ARHGEF7: variants seen among roughly 807,000 people sequenced by gnomAD.
ARHGEF7 encodes the protein PAK-interacting exchange factor beta.
In ARHGEF7, 33 loss-of-function variants were observed where a neutral mutation model predicts 109.8. The observed-to-expected ratio is 0.30, with a 90% CI of 0.23 to 0.40. The LOEUF (loss-of-function observed/expected upper bound fraction) is 0.40. Among genes scored for constraint, ARHGEF7 ranks in the 10% least tolerant of loss-of-function variants. The pLI is 1.00. For missense variants in ARHGEF7, 938 were observed against 1,098.5 expected (o/e 0.85, Z 2.07); for synonymous variants, 458 against 424.6 (o/e 1.08, Z -0.97).
chr13:111,147,784 G>A (rs538540163), intron 1 of ARHGEF7, among the ~76,000 whole-genome samples: 3 of 135,012 alleles, frequency 2.2e-5, no homozygotes, highest in South Asian at 2.5e-4. Flanking sequence ...TGCAAGCTCC[G>A]CCTCCCGGGT....
chr13:111,180,662 G>A (rs143856689), intron 2 of ARHGEF7, among the ~76,000 whole-genome samples: 2,359 of 152,306 alleles, frequency 0.015, 37 homozygotes, highest in Middle Eastern at 0.058. Context: ...CTAGGTGGCA[G>A]AGTTGGTATT....
intron 1 of ARHGEF7, among the ~76,000 whole-genome samples, chr13:111,120,475 AC>A: frequency 1.7e-5 from 2 of 116,726 alleles, no homozygotes; most frequent in Non-Finnish European, 3.9e-5. Context: ...ATGTAAATAC[AC>A]ACACACACAG....
chr13:111,237,649 G>A (rs73622157), intron 6 of ARHGEF7, among the ~76,000 whole-genome samples: 3,104 of 152,244 alleles, frequency 0.02, 98 homozygotes, highest in African/African-American at 0.071. Flanking sequence ...AAAATAAACA[G>A]TATGAGATGA....
chr13:111,257,291 G>A (rs1455282112), intron 8 of ARHGEF7, among the ~76,000 whole-genome samples: 3 of 152,198 alleles, frequency 2.0e-5, no homozygotes, highest in African/African-American at 7.2e-5. Context: ...TTGATTGAAT[G>A]TATGTCTTGA....
chr13:111,261,331 C>G (rs1366986055), intron 8 of ARHGEF7, among the ~76,000 whole-genome samples: 1 of 152,052 alleles, frequency 6.6e-6, no homozygotes, highest in African/African-American at 2.4e-5. Context: ...AGACTTATAT[C>G]AAACAAAATA....
intron 2 of ARHGEF7, chr13:111,186,890 C>T (rs557632433): frequency 1.0e-5 from 10 of 985,414 alleles, no homozygotes; most frequent in South Asian, 4.7e-5. Context: ...AAGACGACTA[C>T]TTCTTTCCCC....
chr13:111,283,646 C>A (rs1252461781), intron 16 of ARHGEF7, among the ~76,000 whole-genome samples: 1 of 152,148 alleles, frequency 6.6e-6, no homozygotes, highest in Non-Finnish European at 1.5e-5. Flanking sequence ...GGGCCAGGAG[C>A]TGGAAAGGCG....
chr13:111,244,913 A>G (rs1170101033), intron 8 of ARHGEF7, among the ~76,000 whole-genome samples: 5 of 152,212 alleles, frequency 3.3e-5, no homozygotes, highest in African/African-American at 9.6e-5. Flanking sequence ...CTTGGAAAGC[A>G]CTTTCTGCAT....
intron 8 of ARHGEF7, among the ~76,000 whole-genome samples, chr13:111,249,151 C>T (rs1027670595): frequency 1.3e-5 from 2 of 152,178 alleles, no homozygotes; most frequent in Non-Finnish European, 2.9e-5. Flanking sequence ...TTCCCAGCAA[C>T]TCTGGTAGAA....
At chr13:111,296,407 C>A (rs1728864136) in intron 19 of ARHGEF7, among the ~76,000 whole-genome samples, 1 of 152,162 alleles carries the variant, frequency 6.6e-6, no homozygotes, top group African/African-American at 2.4e-5. Flanking sequence ...CACACAGCAG[C>A]CCCTGAGAGT....
chr13:111,275,649 C>G lies in ARHGEF7; in HGVS notation c.1390C>G (p.Gln464Glu), dbSNP rs763002388. The change falls in exon 12 of 22, where the codon CAG becomes GAG. Residue 464 changes from glutamine to glutamate, a missense_variant. This residue lies in a region of ARHGEF7 where 585 missense variants were observed against 723.6 expected (regional missense o/e 0.81). Transcript: ENST00000646102. ...TCTGGGCAACGTCACTTACATGTCC[C>G]AGGTCCTGATTCAGTGTGCCGGAAG... ...KTLGNVTYMSQVLIQCAGSEE... is the reference protein window; with the variant it reads ...KTLGNVTYMSEVLIQCAGSEE... The G allele has an allele frequency of 1.2e-6, 2 of 1,614,182 alleles. No individual in the cohort carries two copies. The highest frequency in any genetic ancestry group is 1.6e-4 in the Middle Eastern group (1 of 6,062).
intron 9 of ARHGEF7, among the ~76,000 whole-genome samples, chr13:111,271,416 G>A (rs1010609820): frequency 1.3e-5 from 2 of 152,166 alleles, no homozygotes; most frequent in African/African-American, 2.4e-5. Context: ...GAACACATGC[G>A]GTGTGCTCAT....
At chr13:111,166,518 T>C (rs1279630617) in intron 2 of ARHGEF7, among the ~76,000 whole-genome samples, 2 of 152,106 alleles carry the variant, frequency 1.3e-5, no homozygotes, top group Non-Finnish European at 2.9e-5. Context: ...ACCTCCCAGG[T>C]GATGGTGGCT....
At chr13:111,172,164 G>A (rs1258905829) in intron 2 of ARHGEF7, among the ~76,000 whole-genome samples, 1 of 152,220 alleles carries the variant, frequency 6.6e-6, no homozygotes, top group Non-Finnish European at 1.5e-5. Flanking sequence ...GCTCTTACAA[G>A]CCAGTAAGGG....
intron 15 of ARHGEF7, chr13:111,280,889 G>T (rs1296008795): frequency 9.4e-6 from 5 of 531,822 alleles, no homozygotes; most frequent in Non-Finnish European, 1.6e-5. Context: ...ACCCTGAATT[G>T]TGCCTCCTCA....
At chr13:111,178,469 C>G (rs917689993) in intron 2 of ARHGEF7, among the ~76,000 whole-genome samples, 6 of 152,198 alleles carry the variant, frequency 3.9e-5, no homozygotes, top group African/African-American at 7.2e-5. Flanking sequence ...AGAGGTGATA[C>G]AGTATTCAGA....
intron 2 of ARHGEF7, among the ~76,000 whole-genome samples, chr13:111,196,165 T>C (rs1450333063): frequency 6.6e-6 from 1 of 152,198 alleles, no homozygotes; most frequent in Non-Finnish European, 1.5e-5. Flanking sequence ...ATGCTAGACA[T>C]CATTGAATAA....
chr13:111,221,533 C>CATATCTATATATCTA (rs1566876374), intron 5 of ARHGEF7, among the ~76,000 whole-genome samples: 2 of 33,818 alleles, frequency 5.9e-5, no homozygotes, highest in East Asian at 2.2e-3. Flanking sequence ...CTATATATAT[C>CATATCTATATATCTA]TATATATAGA....
At chr13:111,147,690 CTTTTTTTT>C (rs11463808) in intron 1 of ARHGEF7, among the ~76,000 whole-genome samples, 13 of 82,394 alleles carry the variant, frequency 1.6e-4, no homozygotes, top group African/African-American at 6.6e-4. Context: ...CAGAGGTCAC[CTTTTTTTT>C]TTTTTTTTTT....
Sources: gnomAD v4.1 joint callset for allele counts (sites outside exome capture counted in the v4.1 genomes callset) on GRCh38, gnomAD v4.1.1 for gene constraint, gnomAD v4.1.1 regional missense constraint, MANE v1.5 for transcripts, NCBI Gene and HGNC (gene_info 2026-07-23, HGNC 2026-07-21) for gene names.